The following HERC5 variants were observed in gnomAD, a reference collection of about 807,000 sequenced individuals.
HERC5 encodes the protein E3 ISG15--protein ligase HERC5.
A neutral mutation model predicts 119.6 loss-of-function variants in HERC5; 99 were observed. The observed-to-expected ratio is 0.83, with a 90% CI of 0.70 to 0.98. The LOEUF is 0.98. Ranked by LOEUF, HERC5 falls within the 50% of genes least tolerant of loss-of-function variation. The pLI is 0.00. For missense variants in HERC5, 1,267 were observed against 1,241.3 expected (o/e 1.02, Z -0.31); for synonymous variants, 478 against 445.9 (o/e 1.07, Z -0.91).
chr4:88,463,762 C>T (rs949959799), intron 5 of HERC5, 93 bp from the exon 6 acceptor site: 3 of 1,452,690 alleles, frequency 2.1e-6, no homozygotes, highest in Non-Finnish European at 1.9e-6. Context: ...TTTACTTTGA[C>T]AGTGCTATTT....
Position 88,460,050 on chromosome 4 carries a change from A to T in HERC5, c.390-45A>T, listed in dbSNP as rs977661906. The T allele has an allele frequency of 2.8e-6, 3 of 1,059,620 alleles. No individual in the cohort carries two copies. The African/African-American group carries it at 4.8e-5, about 17-fold the overall frequency. The allele number at this position is 1,059,620 out of a possible 1,614,324, so 65.6% of individuals were successfully genotyped here. Reference sequence around the variant, plus strand: ...TAATAGTTCTAAAATCCATGTTGTAACTTTCATTATGGTGATTAACACAAA... The same window carrying T: ...TAATAGTTCTAAAATCCATGTTGTATCTTTCATTATGGTGATTAACACAAA... On this transcript the variant is annotated intron_variant, in intron 2 of 22. Coordinates refer to ENST00000264350, the MANE Select transcript of HERC5 (RefSeq NM_016323.4).
intron 3 of HERC5, among the ~76,000 whole-genome samples, chr4:88,461,833 C>CT (rs1226051247): frequency 6.6e-6 from 1 of 152,060 alleles, no homozygotes. Context: ...GGCCCGTCCT[C>CT]TGAGTGTTTT....
In HERC5 at chr4:88,457,500, GCTGCTCGCCGGGA is replaced by G; in HGVS notation, c.232_244del (p.Leu78AlafsTer12). The G allele has an allele frequency of 1.1e-5, 14 of 1,311,464 alleles. No homozygotes were observed. Among genetic ancestry groups the G allele is most frequent in the Non-Finnish European group, 1.4e-5 (14 of 1,030,732 alleles). 81.2% of individuals were successfully genotyped at this position (1,311,464 alleles called of 1,614,324 possible). ...GCGGGGCGGGCGTCCAGGTTCACCA[GCTGCTCGCCGGGA>G]GCGGCGGCGCCCGGACGCCGAGTGA... On this transcript the variant is annotated frameshift_variant, in exon 1 of 23. Transcript: ENST00000264350. LOFTEE classifies it high-confidence loss of function.
chr4:88,504,805 C>T (rs1742060396), intron 22 of HERC5, among the ~76,000 whole-genome samples: 1 of 152,132 alleles, frequency 6.6e-6, no homozygotes, highest in Non-Finnish European at 1.5e-5. Context: ...CTTCTTATTG[C>T]TTTTAAAGTT....
chr4:88,503,635 C>T (rs1253962939), intron 20 of HERC5, among the ~76,000 whole-genome samples: 1 of 152,060 alleles, frequency 6.6e-6, no homozygotes, highest in Non-Finnish European at 1.5e-5. Flanking sequence ...TCTTGTTTGT[C>T]TGATTTTAGT....
chr4:88,475,935 G>A lies in HERC5; in HGVS notation c.1487G>A (p.Cys496Tyr), dbSNP rs200538566. 6.2e-7 allele frequency: 1 copy of A among 1,613,846 alleles called. No individual in the cohort carries two copies. Among genetic ancestry groups the A allele is most frequent in the East Asian group, 2.2e-5 (1 of 44,858 alleles). ...ALEIFFLLPE[C>Y]PMMHISNNWE... ...GAAATTTTCTTCCTTCTCCCAGAAT[G>A]TCCTATGATGCATATTTCCAACAAC... Residue 496 changes from cysteine to tyrosine, a missense_variant, in exon 12 of 23, where the codon TGT becomes TAT. Coordinates refer to ENST00000264350, the MANE Select transcript of HERC5 (RefSeq NM_016323.4).
At chr4:88,497,296 AGAG>A (rs749594681) in intron 18 of HERC5, among the ~76,000 whole-genome samples, 4 of 152,222 alleles carry the variant, frequency 2.6e-5, no homozygotes, top group Non-Finnish European at 5.9e-5. Flanking sequence ...GCTCAGAAGA[AGAG>A]GAGACCTCTA....
chr4:88,457,658 C>A, intron 1 of HERC5, 124 bp downstream of exon 1: 1 of 1,061,986 alleles, frequency 9.4e-7, no homozygotes, highest in Non-Finnish European at 1.2e-6. Flanking sequence ...CAGACGCGCG[C>A]CTGGCTCGGA....
At chr4:88,474,553 C>T (rs1329013304) in intron 11 of HERC5, among the ~76,000 whole-genome samples, 3 of 152,022 alleles carry the variant, frequency 2.0e-5, no homozygotes, top group Non-Finnish European at 2.9e-5. Context: ...CTCCAAAGAC[C>T]GAATCTCATC....
chr4:88,459,526 T>A lies in HERC5; in HGVS notation c.389+56T>A. 2.7e-6 allele frequency: 3 copies of A among 1,117,906 alleles called. No individual in the cohort carries two copies. In the Admixed American group the frequency reaches 7.8e-5, roughly 29 times the overall value. The allele number at this position is 1,117,906 out of a possible 1,614,324, so 69.2% of individuals were successfully genotyped here. ...AATTTTAATCAAAAGACAATAATAA[T>A]TTCTGTAGGAAATATCTGATTCTTG... On this transcript the variant is annotated intron_variant, in intron 2 of 22. Coordinates refer to ENST00000264350, the MANE Select transcript of HERC5 (RefSeq NM_016323.4).
Position 88,462,429 on chromosome 4 carries a change from C to T in HERC5, c.688+73C>T. On this transcript the variant is annotated intron_variant, in intron 4 of 22. Coordinates refer to ENST00000264350, the MANE Select transcript of HERC5 (RefSeq NM_016323.4). ...AGATGAATTTAATGGACCTCCCTGTCAAAAATGGTTCAAATCTTCACTTTC... is the reference window on the plus strand; with the variant it reads ...AGATGAATTTAATGGACCTCCCTGTTAAAAATGGTTCAAATCTTCACTTTC... 3 of 1,255,966 alleles carry T rather than the reference C, an allele frequency of 2.4e-6. No individual in the cohort carries two copies. In the South Asian group the frequency reaches 3.9e-5, roughly 16 times the overall value. 77.8% of individuals were successfully genotyped at this position (1,255,966 alleles called of 1,614,324 possible). A position where few individuals can be genotyped will look rare whatever the true frequency, so the allele number is the denominator to read the frequency against.
At chr4:88,487,501 A>G (rs929656231) in intron 15 of HERC5, among the ~76,000 whole-genome samples, 1 of 152,198 alleles carries the variant, frequency 6.6e-6, no homozygotes, top group Admixed American at 6.5e-5. Flanking sequence ...CTTGGGCTTG[A>G]TTAGGTGTAA....
At position 88,460,124 on chromosome 4, in the gene HERC5, T is replaced by C; in HGVS notation, c.419T>C (p.Ile140Thr). Residue 140 changes from isoleucine (I) to threonine (T), a missense_variant, in exon 3 of 23, where the codon ATA becomes ACA. By Grantham distance (89) the Ile-to-Thr change is moderately conservative. Transcript: ENST00000264350. The part of the protein sequence containing the change: ...RFESILQEKK[I>T]IQITCGDYHS... ...GAAAGCATTTTACAAGAAAAAAAAA[T>C]AATTCAGATCACATGTGGAGATTAC... is the stretch of plus-strand genomic sequence containing the variant. 6.3e-7 allele frequency: 1 copy of C among 1,584,168 alleles called. No homozygotes were observed. Among genetic ancestry groups the C allele is most frequent in the Admixed American group, 1.7e-5 (1 of 58,994 alleles).
intron 17 of HERC5, among the ~76,000 whole-genome samples, chr4:88,493,479 C>A (rs1275994212): frequency 6.6e-6 from 1 of 152,114 alleles, no homozygotes; most frequent in Non-Finnish European, 1.5e-5. Flanking sequence ...AAGACAAAGG[C>A]TGTGGAAAGA....
rs75121676 is a variant in HERC5 at position 88,495,541 on chromosome 4, C to T, written c.2444+1210C>T. 1.2e-3 allele frequency among the ~76,000 whole-genome samples: 187 copies of T among 152,036 alleles called. 2 individuals are homozygous for T. In the East Asian group the frequency reaches 0.033, roughly 27 times the overall value. ...TACCACTGCACTCCAGCCTGGGCGA[C>T]AGTAGAAGACCCTGTCTCAATTAAA... is the stretch of plus-strand genomic sequence containing the variant. On this transcript the variant is annotated intron_variant, in intron 18 of 22. Transcript: ENST00000264350.
intron 22 of HERC5, among the ~76,000 whole-genome samples, chr4:88,505,334 A>T (rs1280151057): frequency 2.6e-5 from 4 of 152,198 alleles, no homozygotes; most frequent in Non-Finnish European, 5.9e-5. Context: ...CAGTCATCCC[A>T]GCCTGGCTCT....
intron 11 of HERC5, chr4:88,473,153 G>A (rs992245104): frequency 2.6e-5 from 4 of 151,726 alleles, no homozygotes; most frequent in Admixed American, 2.6e-4. Flanking sequence ...TGCATGCTTC[G>A]TTTATTAATT....
intron 10 of HERC5, 68 bp from the exon 11 acceptor site, chr4:88,472,341 G>C: frequency 1.2e-6 from 1 of 867,178 alleles, no homozygotes; most frequent in Non-Finnish European, 1.9e-6. Flanking sequence ...AATGGGGCAA[G>C]CTCTAGAAGA....
chr4:88,498,044 TGTG>T (rs1191361529), intron 18 of HERC5, among the ~76,000 whole-genome samples: 2 of 152,128 alleles, frequency 1.3e-5, no homozygotes, highest in African/African-American at 2.4e-5. Flanking sequence ...CCAGGTGTGG[TGTG>T]GTCACAGTGG....
Sources: gnomAD v4.1 joint callset for allele counts (sites outside exome capture counted in the v4.1 genomes callset) on GRCh38, gnomAD v4.1.1 for gene constraint, MANE v1.5 for transcripts, NCBI Gene and HGNC (gene_info 2026-07-23, HGNC 2026-07-21) for gene names.